TOX2: variants seen among roughly 807,000 people sequenced by gnomAD.
The protein encoded by TOX2 is TOX high mobility group box family member 2.
In TOX2, 15 loss-of-function variants were observed where a neutral mutation model predicts 47.4. That is an observed-to-expected ratio of 0.32 (90% confidence interval 0.21 to 0.49). The LOEUF is 0.49. Ranked by LOEUF, TOX2 falls within the 20% of genes least tolerant of loss-of-function variation. The pLI is 0.99. For synonymous variants in TOX2, 290 were observed against 296.6 expected (o/e 0.98, Z 0.23); for missense variants, 622 against 673.1 (o/e 0.92, Z 0.84).
chr20:44,008,480 A>G (rs1421508665), intron 3 of TOX2, among the ~76,000 whole-genome samples: 5 of 152,124 alleles, frequency 3.3e-5, no homozygotes, highest in African/African-American at 1.2e-4. Context: ...GAATTGCTTG[A>G]ACCTGGGAGG....
intron 3 of TOX2, among the ~76,000 whole-genome samples, chr20:44,039,381 G>C (rs1176133983): frequency 6.6e-6 from 1 of 152,194 alleles, no homozygotes; most frequent in African/African-American, 2.4e-5. Context: ...CTAGGCCATT[G>C]CTAAGTGGGC....
At chr20:43,986,737 T>A (rs1218243462) in intron 2 of TOX2, among the ~76,000 whole-genome samples, 1 of 152,140 alleles carries the variant, frequency 6.6e-6, no homozygotes, top group Non-Finnish European at 1.5e-5. Context: ...TGAATATATG[T>A]CTCTATGACT....
Position 44,052,479 on chromosome 20 carries a change from C to T in TOX2, c.651+934C>T, listed in dbSNP as rs112029059. 2.7e-3 allele frequency among the ~76,000 whole-genome samples: 408 copies of T among 152,286 alleles called. 2 individuals carry two copies. Among genetic ancestry groups the T allele is most frequent in the African/African-American group, 9.0e-3 (374 of 41,554 alleles). On this transcript the variant is annotated intron_variant, in intron 4 of 8. Coordinates refer to ENST00000341197, the MANE Select transcript of TOX2 (RefSeq NM_001098797.2). The stretch of plus-strand genomic sequence containing the variant: ...GTGTCCTTTCCACGTGGTGGCCTCC[C>T]GAGGCCTAGGGCAGTAACCCTGGAC...
At chr20:44,049,015 C>CTGT (rs1433717423) in intron 3 of TOX2, among the ~76,000 whole-genome samples, 1 of 152,232 alleles carries the variant, frequency 6.6e-6, no homozygotes, top group Non-Finnish European at 1.5e-5. Flanking sequence ...ATGGTGCCAC[C>CTGT]TGTTGTCCCA....
At chr20:44,054,144 T>A (rs1319598006) in intron 4 of TOX2, among the ~76,000 whole-genome samples, 155 bp from the exon 5 acceptor site, 1 of 151,968 alleles carries the variant, frequency 6.6e-6, no homozygotes, top group Non-Finnish European at 1.5e-5. Context: ...CCAGGGTGTG[T>A]GTGTCTGTCT....
intron 2 of TOX2, among the ~76,000 whole-genome samples, chr20:43,979,836 C>T (rs565631422): frequency 6.6e-6 from 1 of 152,200 alleles, no homozygotes; most frequent in East Asian, 1.9e-4. Context: ...AATGTGATCT[C>T]ACCCAGTTAA....
At chr20:43,935,530 C>T (rs2069314554) in intron 1 of TOX2, among the ~76,000 whole-genome samples, 1 of 152,130 alleles carries the variant, frequency 6.6e-6, no homozygotes, top group African/African-American at 2.4e-5. Context: ...CTTATTTAAC[C>T]CCTACAACAG....
intron 2 of TOX2, among the ~76,000 whole-genome samples, chr20:43,991,678 C>G (rs1432550158): frequency 6.6e-6 from 1 of 150,564 alleles, no homozygotes; most frequent in Non-Finnish European, 1.5e-5. Context: ...GAGTCTTGCT[C>G]TGTCATCCAG....
At chr20:43,943,310 C>G (rs1406115447) in intron 1 of TOX2, among the ~76,000 whole-genome samples, 1 of 152,154 alleles carries the variant, frequency 6.6e-6, no homozygotes, top group South Asian at 2.1e-4. Context: ...CCCTCTCCTA[C>G]AGATGGTGGG....
chr20:44,039,063 C>T (rs1313635831), intron 3 of TOX2: 47 of 1,274,538 alleles, frequency 3.7e-5, no homozygotes, highest in Middle Eastern at 3.0e-4. Flanking sequence ...TCATGAGTGC[C>T]GGCTGCCTGC....
At chr20:44,042,097 C>T (rs1386206197) in intron 3 of TOX2, among the ~76,000 whole-genome samples, 1 of 152,202 alleles carries the variant, frequency 6.6e-6, no homozygotes, top group Non-Finnish European at 1.5e-5. Flanking sequence ...CTCACAGTTC[C>T]ACAGGGCTGG....
At chr20:43,921,963 A>G (rs544433847) in intron 1 of TOX2, among the ~76,000 whole-genome samples, 2 of 152,002 alleles carry the variant, frequency 1.3e-5, no homozygotes, top group East Asian at 3.9e-4. Flanking sequence ...CATTTCCTCC[A>G]CCTTCTGTTA....
intron 1 of TOX2, among the ~76,000 whole-genome samples, chr20:43,951,078 G>A (rs2069555843): frequency 6.6e-6 from 1 of 152,062 alleles, no homozygotes; most frequent in Non-Finnish European, 1.5e-5. Flanking sequence ...TTGGCCAGAA[G>A]CCCCTGCTGA....
chr20:43,919,403 C>T (rs961425324), intron 1 of TOX2, among the ~76,000 whole-genome samples: 1 of 152,110 alleles, frequency 6.6e-6, no homozygotes, highest in Non-Finnish European at 1.5e-5. Flanking sequence ...AGTCCCAAGG[C>T]CTGGGGCTGG....
At chr20:44,029,352 T>G (rs1437976205) in intron 3 of TOX2, among the ~76,000 whole-genome samples, 1 of 152,128 alleles carries the variant, frequency 6.6e-6, no homozygotes, top group Non-Finnish European at 1.5e-5. Flanking sequence ...GGTAAGAGGA[T>G]GTGGTGAGGC....
chr20:44,051,628 C>T (rs1431703488), intron 4 of TOX2, 83 bp downstream of exon 4: 4 of 1,500,954 alleles, frequency 2.7e-6, no homozygotes, highest in Non-Finnish European at 3.6e-6. Context: ...GCATCACCTC[C>T]CTCTAGTAAA....
In TOX2 at chr20:44,006,500, G is replaced by A. The variant is rs146749935; in HGVS notation, c.166-47G>A. ...ATTGGTGCTGTTGGGTATGTTCTGCGGTTGTAAGGCACTGACCCCCACCGA... is the reference window on the plus strand; with the variant it reads ...ATTGGTGCTGTTGGGTATGTTCTGCAGTTGTAAGGCACTGACCCCCACCGA... On this transcript the variant is annotated intron_variant, in intron 2 of 8. Coordinates refer to ENST00000341197, the MANE Select transcript of TOX2 (RefSeq NM_001098797.2). 3.2e-4 allele frequency: 493 copies of A among 1,564,748 alleles called. 2 individuals carry two copies. The African/African-American group carries it at 6.1e-3, about 19-fold the overall frequency.
chr20:44,032,103 CA>C (rs2071163226), intron 3 of TOX2, among the ~76,000 whole-genome samples: 1 of 152,010 alleles, frequency 6.6e-6, no homozygotes, highest in Admixed American at 6.6e-5. Flanking sequence ...GAGCGGGTTG[CA>C]GTATTGGGTA....
At chr20:43,962,411 G>C (rs2069778390) in intron 1 of TOX2, among the ~76,000 whole-genome samples, 1 of 152,228 alleles carries the variant, frequency 6.6e-6, no homozygotes, top group Admixed American at 6.5e-5. Context: ...GAGGGGCTGA[G>C]GGGCTGGTGC....
Sources: gnomAD v4.1 joint callset for allele counts (sites outside exome capture counted in the v4.1 genomes callset) on GRCh38, gnomAD v4.1.1 for gene constraint, MANE v1.5 for transcripts, NCBI Gene and HGNC (gene_info 2026-07-23, HGNC 2026-07-21) for gene names.